Variants in EGLN1 observed in about 807,000 individuals in gnomAD.
EGLN1 encodes the protein egl-9 family hypoxia inducible factor 1, also known as egl nine homolog 1.
A neutral mutation model predicts 38.3 loss-of-function variants in EGLN1; 17 were observed. The observed-to-expected ratio is 0.44, with a 90% CI of 0.30 to 0.67. The LOEUF is 0.67. EGLN1 is among the 30% of genes least tolerant of loss of function. The pLI, the probability that EGLN1 is intolerant of heterozygous loss-of-function variation, is 0.08. For missense variants in EGLN1, 477 were observed against 603.3 expected, an observed-to-expected ratio of 0.79 and a Z score of 2.19; for synonymous variants, 283 against 257.5, an observed-to-expected ratio of 1.10 and a Z score of -0.95.
At chr1:231,401,833 A>T (rs1688671416) in intron 1 of EGLN1, among the ~76,000 whole-genome samples, 1 of 152,132 alleles carries the variant, frequency 6.6e-6, no homozygotes. Context: ...TTAGGAGTGG[A>T]ATTCCTGGGT....
In EGLN1 at chr1:231,377,352, G is replaced by A. The variant is rs552666089; in HGVS notation, c.892-3253C>T. 2.6e-5 allele frequency among the ~76,000 whole-genome samples: 4 copies of A among 152,314 alleles called. No individual in the cohort carries two copies. In the South Asian group the frequency reaches 8.3e-4, roughly 32 times the overall value. ...TGTACTAGACTGCAGGAAGCAAAGA[G>A]TGAAAAGAGAAGACTAAGTTAGCTA... is the stretch of plus-strand genomic sequence containing the variant. On this transcript the variant is annotated intron_variant, in intron 1 of 4. Transcript: ENST00000366641.
rs1553353081 is a variant in EGLN1, at chr1:231,391,090, T to TGTGTGTG, written c.892-16992_892-16991insCACACAC. Among the ~76,000 whole-genome samples, 19 of 53,124 alleles carry TGTGTGTG rather than the reference T, an allele frequency of 3.6e-4. 2 individuals are homozygous for TGTGTGTG. The highest frequency in any genetic ancestry group is 1.9e-3 in the Admixed American group (9 of 4,728). The allele number at this position is 53,124 out of a possible 152,430, so 34.9% of individuals were successfully genotyped here. ...AGACAGGGAACTCATTCTGTTTTTT[T>TGTGTGTG]TTTGTGTGTGTGTGTGTGTGTGTGT... On this transcript the variant is annotated intron_variant, in intron 1 of 4. Transcript: ENST00000366641.
chr1:231,377,684 C>G (rs995805627), intron 1 of EGLN1, among the ~76,000 whole-genome samples: 7 of 152,176 alleles, frequency 4.6e-5, no homozygotes, highest in Non-Finnish European at 7.3e-5. Flanking sequence ...TATCCCCCAA[C>G]CGGGGATCTG....
At position 231,370,655 on chromosome 1, in the gene EGLN1, T is replaced by C. The variant is rs940803335; in HGVS notation, c.1055A>G (p.Gln352Arg). ...AAATTTGGGTTCAATGTCAGCAAACTGGGCTTTGCCTTCTGGAAAAATTCG... is the reference window on the plus strand; with the variant it reads ...AAATTTGGGTTCAATGTCAGCAAACCGGGCTTTGCCTTCTGGAAAAATTCG... ...ILRIFPEGKAQFADIEPKFDR... is the reference protein window; with the variant it reads ...ILRIFPEGKARFADIEPKFDR... The change falls in exon 3 of 5, where the codon CAG becomes CGG. Residue 352 changes from glutamine (Q) to arginine (R), a missense_variant. This residue lies in a region of EGLN1 where 59 missense variants were observed against 119.0 expected (regional missense o/e 0.50). Transcript: ENST00000366641. The C allele has an allele frequency of 2.5e-6, 4 of 1,614,044 alleles. No homozygotes were observed. In the African/African-American group the frequency reaches 5.3e-5, roughly 22 times the overall value.
intron 1 of EGLN1, among the ~76,000 whole-genome samples, chr1:231,411,968 C>T (rs1056638732): frequency 2.4e-5 from 3 of 124,528 alleles, no homozygotes; most frequent in Non-Finnish European, 4.7e-5. Context: ...ACCAAGACCA[C>T]GCCATTGCAC....
At chr1:231,418,966 T>C (rs1212808709) in intron 1 of EGLN1, among the ~76,000 whole-genome samples, 2 of 152,164 alleles carry the variant, frequency 1.3e-5, no homozygotes, top group Non-Finnish European at 2.9e-5. Context: ...GTTATTTTGA[T>C]TGCCTTCTCA....
At chr1:231,408,947 T>C (rs1366775066) in intron 1 of EGLN1, among the ~76,000 whole-genome samples, 1 of 151,572 alleles carries the variant, frequency 6.6e-6, no homozygotes, top group South Asian at 2.1e-4. Context: ...GAACAGAAAG[T>C]ATATGGTAGT....
At chr1:231,366,611 T>G in intron 4 of EGLN1, 136 bp from the exon 5 acceptor site, 1 of 895,104 alleles carries the variant, frequency 1.1e-6, no homozygotes, top group East Asian at 2.6e-5. Flanking sequence ...CTATCACGCT[T>G]GTACTTCCAA....
chr1:231,419,074 T>C (rs1410822913), intron 1 of EGLN1, among the ~76,000 whole-genome samples: 1 of 152,184 alleles, frequency 6.6e-6, no homozygotes, highest in African/African-American at 2.4e-5. Context: ...ATGAAAGGAA[T>C]TCCTGAATAT....
At chr1:231,401,602 A>C (rs912252003) in intron 1 of EGLN1, among the ~76,000 whole-genome samples, 3 of 152,148 alleles carry the variant, frequency 2.0e-5, no homozygotes, top group Non-Finnish European at 1.5e-5. Flanking sequence ...TTATGTTACA[A>C]TTTTTAACTC....
At chr1:231,405,636 G>A (rs1688769729) in intron 1 of EGLN1, among the ~76,000 whole-genome samples, 1 of 152,042 alleles carries the variant, frequency 6.6e-6, no homozygotes, top group Non-Finnish European at 1.5e-5. Context: ...AAGAATCCAA[G>A]GCAATACTAG....
At chr1:231,386,500 CTT>C (rs1260994099) in intron 1 of EGLN1, among the ~76,000 whole-genome samples, 1 of 152,168 alleles carries the variant, frequency 6.6e-6, no homozygotes, top group Admixed American at 6.5e-5. Context: ...ACTTTTATCA[CTT>C]TGAATTAGTT....
chr1:231,417,300 TTTTC>T (rs1454301847), intron 1 of EGLN1, among the ~76,000 whole-genome samples: 6 of 152,364 alleles, frequency 3.9e-5, no homozygotes, highest in Middle Eastern at 3.4e-3. Flanking sequence ...TTATTACTCC[TTTTC>T]TTTATGTATG....
At chr1:231,411,295 T>C (rs1409904972) in intron 1 of EGLN1, among the ~76,000 whole-genome samples, 10 of 152,170 alleles carry the variant, frequency 6.6e-5, no homozygotes, top group Admixed American at 4.6e-4. Flanking sequence ...ATGCCTTGCT[T>C]CCCTTTTGCC....
intron 1 of EGLN1, chr1:231,420,135 G>A (rs1209042642): frequency 6.6e-6 from 1 of 152,182 alleles, no homozygotes; most frequent in Admixed American, 6.5e-5. Context: ...AATCTGTGGA[G>A]GAAAAACCGC....
chr1:231,374,779 A>G (rs866728042), intron 1 of EGLN1, among the ~76,000 whole-genome samples: 16 of 152,118 alleles, frequency 1.1e-4, no homozygotes, highest in African/African-American at 3.9e-4. Flanking sequence ...ATTTAGTGTC[A>G]GTGATTTTTT....
Position 231,421,530 on chromosome 1 carries a change from G to A in EGLN1, c.359C>T (p.Pro120Leu), listed in dbSNP as rs796280222. 103 of 1,300,380 alleles carry A rather than the reference G, an allele frequency of 7.9e-5. No individual in the cohort carries two copies. The East Asian group carries it at 2.7e-3, about 34-fold the overall frequency. 80.6% of individuals were successfully genotyped at this position (1,300,380 alleles called of 1,614,324 possible). A position where few individuals can be genotyped will look rare whatever the true frequency, so the allele number is the denominator to read the frequency against. Reference sequence around the variant, plus strand: ...ACGACACGGCGACGCGGCCGCCGCTGGGTCGGCCGGGGGCTTGGCCTTTAC... The same window carrying A: ...ACGACACGGCGACGCGGCCGCCGCTAGGTCGGCCGGGGGCTTGGCCTTTAC... ...GKVKAKPPADPAAAASPCRAA... is the reference protein window; with the variant it reads ...GKVKAKPPADLAAAASPCRAA... The change falls in exon 1 of 5, where the codon CCA becomes CTA. Residue 120 changes from proline to leucine, a missense_variant. Pro to Leu is a moderately conservative substitution (Grantham distance 98). Coordinates refer to ENST00000366641, the MANE Select transcript of EGLN1 (RefSeq NM_022051.3). The surrounding 1 kb of genome is among the most constrained non-coding windows in gnomAD (Gnocchi z 5.5).
At chr1:231,395,546 A>G (rs576816838) in intron 1 of EGLN1, among the ~76,000 whole-genome samples, 7 of 152,364 alleles carry the variant, frequency 4.6e-5, no homozygotes, top group Non-Finnish European at 7.3e-5. Flanking sequence ...TTCAGGCAGT[A>G]CTTGCTTTTT....
intron 1 of EGLN1, among the ~76,000 whole-genome samples, chr1:231,398,554 C>T (rs1031071402): frequency 2.6e-5 from 4 of 152,196 alleles, no homozygotes; most frequent in African/African-American, 9.7e-5. Flanking sequence ...GTTACAACAG[C>T]AGAGTTAAAC....
Sources: allele counts gnomAD v4.1 joint callset (sites outside exome capture counted in the v4.1 genomes callset), GRCh38; gene constraint gnomAD v4.1.1; regional missense constraint gnomAD v4.1.1; non-coding constraint Gnocchi (gnomAD v3.1); transcripts MANE v1.5; gene names NCBI Gene and HGNC (gene_info 2026-07-23, HGNC 2026-07-21).